Variants in LYRM1 observed in about 807,000 individuals in gnomAD.
The protein encoded by LYRM1 is LYR motif containing 1, also known as LYR motif-containing protein 1.
In LYRM1, 14 loss-of-function variants were observed where a neutral mutation model predicts 14.9. The observed-to-expected ratio is 0.94, with a 90% CI of 0.62 to 1.47. LYRM1 has a LOEUF of 1.47. LYRM1 is among the 40% of genes most tolerant of loss of function. LYRM1 has a pLI of 0.00. For missense variants in LYRM1, 153 were observed against 149.9 expected (o/e 1.02, Z -0.11); for synonymous variants, 43 against 56.2 (o/e 0.77, Z 1.05).
Position 20,901,881 on chromosome 16 carries a change from T to C in LYRM1, c.-1+992T>C, listed in dbSNP as rs140306816. 0.02 allele frequency among the ~76,000 whole-genome samples: 3,101 copies of C among 152,220 alleles called. 112 individuals are homozygous for C. Among genetic ancestry groups the C allele is most frequent in the African/African-American group, 0.071 (2,956 of 41,520 alleles). On this transcript the variant is annotated intron_variant, in intron 1 of 3. Transcript: ENST00000567954. The surrounding 1 kb of genome is among the most constrained non-coding windows in gnomAD (Gnocchi z 4.6). ...TGGCTCACGCCTATAAACCCAGTACTTTGGGAGGCCTAGGCGGGCGGATCA... is the reference window on the plus strand; with the variant it reads ...TGGCTCACGCCTATAAACCCAGTACCTTGGGAGGCCTAGGCGGGCGGATCA...
intron 1 of LYRM1, among the ~76,000 whole-genome samples, chr16:20,910,781 A>G (rs927505102): frequency 2.6e-5 from 4 of 152,152 alleles, no homozygotes; most frequent in African/African-American, 7.2e-5. Context: ...CTCTAAAAAA[A>G]AAAACAACAA....
intron 1 of LYRM1, 76 bp from the exon 2 acceptor site, chr16:20,915,478 CTG>C: frequency 2.9e-6 from 2 of 693,236 alleles, no homozygotes; most frequent in Non-Finnish European, 4.4e-6. Context: ...AAAAAAAAAA[CTG>C]TACATCTGCC....
intron 2 of LYRM1, 108 bp downstream of exon 2, chr16:20,915,822 G>A (rs964886999): frequency 8.1e-7 from 1 of 1,227,112 alleles, no homozygotes; most frequent in Non-Finnish European, 1.1e-6. Context: ...CAGTCATGGT[G>A]GCAGAACTTG....
intron 3 of LYRM1, 116 bp from the exon 4 acceptor site, chr16:20,923,884 T>A: frequency 1.7e-6 from 1 of 587,784 alleles, no homozygotes; most frequent in East Asian, 2.8e-5. Context: ...GATTAATGAA[T>A]CAATGTAGAT....
chr16:20,900,214 G>C (rs980890782), upstream of LYRM1: 1 of 137,710 alleles, frequency 7.3e-6, no homozygotes, highest in Non-Finnish European at 1.5e-5. Flanking sequence ...AGCTGCTCCA[G>C]AGGTTCCTCC....
chr16:20,912,973 G>C (rs940239635), intron 1 of LYRM1, among the ~76,000 whole-genome samples: 6 of 151,814 alleles, frequency 4.0e-5, no homozygotes, highest in Non-Finnish European at 7.4e-5. Context: ...GGCTGAGTCA[G>C]GATAATCACT....
intron 3 of LYRM1, chr16:20,920,454 C>T: frequency 2.2e-6 from 1 of 445,658 alleles, no homozygotes; most frequent in Non-Finnish European, 4.0e-6. Flanking sequence ...AACCAGCTCA[C>T]ACTGTAGAGC....
intron 1 of LYRM1, among the ~76,000 whole-genome samples, chr16:20,913,042 G>A (rs976738900): frequency 6.7e-6 from 1 of 149,404 alleles, no homozygotes; most frequent in Non-Finnish European, 1.5e-5. Flanking sequence ...CTCCAGCCTG[G>A]GCAACAAAAG....
At position 20,918,795 on chromosome 16, in the gene LYRM1, CTT is replaced by C. The variant is rs562851682; in HGVS notation, c.160-1324_160-1323del. On this transcript the variant is annotated intron_variant, in intron 2 of 3. Coordinates refer to ENST00000567954, the MANE Select transcript of LYRM1 (RefSeq NM_001128302.3). Reference sequence around the variant, plus strand: ...AGTGGGCAAATGGGAACATGGAACTCTTTTCCAACACAGACAGCAAATCAGTG... The same window carrying C: ...AGTGGGCAAATGGGAACATGGAACTCTTCCAACACAGACAGCAAATCAGTG... Among the ~76,000 whole-genome samples, 230 of 152,318 alleles carry C rather than the reference CTT, an allele frequency of 1.5e-3. 1 individual carries two copies. Among genetic ancestry groups the C allele is most frequent in the African/African-American group, 5.3e-3 (222 of 41,576 alleles).
chr16:20,924,172 C>A lies in LYRM1; in HGVS notation c.*56C>A. On this transcript the variant is annotated 3_prime_UTR_variant, in exon 4 of 4. Coordinates refer to ENST00000567954, the MANE Select transcript of LYRM1 (RefSeq NM_001128302.3). ...GAGCCAACTAGTTATTGAATGTAAA[C>A]CAGATGGCAAAACACTTCTTGATTA... The A allele has an allele frequency of 1.0e-6, 1 of 979,512 alleles. No individual in the cohort carries two copies. The highest frequency in any genetic ancestry group is 1.6e-6 in the Non-Finnish European group (1 of 635,542). The allele number at this position is 979,512 out of a possible 1,614,324, so 60.7% of individuals were successfully genotyped here.
chr16:20,908,345 C>G (rs1227296328), intron 1 of LYRM1, among the ~76,000 whole-genome samples: 1 of 152,212 alleles, frequency 6.6e-6, no homozygotes, highest in African/African-American at 2.4e-5. Flanking sequence ...ATTTAGTTCC[C>G]TTTGTCACAA....
At position 20,924,432 on chromosome 16, in the gene LYRM1, A is replaced by C; in HGVS notation, c.*316A>C. On this transcript the variant is annotated 3_prime_UTR_variant, in exon 4 of 4. Coordinates refer to ENST00000567954, the MANE Select transcript of LYRM1 (RefSeq NM_001128302.3). ...TTCATGGGAATTCCATTCACCACAC[A>C]TGCCAGCTGATGCAAAGAAATTTGC... is the stretch of plus-strand genomic sequence containing the variant. 1 of 183,824 alleles carries C rather than the reference A, an allele frequency of 5.4e-6. No homozygotes were observed. Among genetic ancestry groups the C allele is most frequent in the Non-Finnish European group, 1.1e-5 (1 of 88,114 alleles). 11.4% of individuals were successfully genotyped at this position (183,824 alleles called of 1,614,324 possible). A position where few individuals can be genotyped will look rare whatever the true frequency, so the allele number is the denominator to read the frequency against.
rs1483866241 is a variant in LYRM1 at position 20,907,818 on chromosome 16, C to T, written c.-1+6929C>T. Among the ~76,000 whole-genome samples, 3 of 152,148 alleles carry T rather than the reference C, an allele frequency of 2.0e-5. No homozygotes were observed. In the East Asian group the frequency reaches 5.8e-4, roughly 29 times the overall value. On this transcript the variant is annotated intron_variant, in intron 1 of 3. Coordinates refer to ENST00000567954, the MANE Select transcript of LYRM1 (RefSeq NM_001128302.3). ...TCACTGACCACCCAGAAAATAACCC[C>T]CACCTCTGGTCATTTGTATCTTATT...
chr16:20,915,729 C>T lies in LYRM1; in HGVS notation c.159+15C>T, dbSNP rs750627241. The T allele has an allele frequency of 8.1e-6, 13 of 1,612,404 alleles. No individual in the cohort carries two copies. The African/African-American group carries it at 1.7e-4, about 22-fold the overall frequency. The stretch of plus-strand genomic sequence containing the variant: ...AAAACAAAAATGTAAGTAGGCCCCA[C>T]TTGGAGATTGTGCAGAGGAGAGTTG... On this transcript the variant is annotated intron_variant, in intron 2 of 3. Coordinates refer to ENST00000567954, the MANE Select transcript of LYRM1 (RefSeq NM_001128302.3).
intron 1 of LYRM1, among the ~76,000 whole-genome samples, chr16:20,903,142 G>T (rs1191868321): frequency 1.3e-5 from 2 of 152,204 alleles, no homozygotes; most frequent in African/African-American, 4.8e-5. Flanking sequence ...CAAACATATT[G>T]TTCAGCCCAC....
intron 2 of LYRM1, 97 bp downstream of exon 2, chr16:20,915,811 A>C (rs2152546626): frequency 7.4e-7 from 1 of 1,345,828 alleles, no homozygotes; most frequent in South Asian, 1.4e-5. Context: ...GCTGAGCCGC[A>C]CAGTCATGGT....
At chr16:20,907,956 T>C (rs1341476021) in intron 1 of LYRM1, among the ~76,000 whole-genome samples, 1 of 152,208 alleles carries the variant, frequency 6.6e-6, no homozygotes, top group East Asian at 1.9e-4. Context: ...TATTTATCAC[T>C]GTATCCCCAG....
intron 1 of LYRM1, among the ~76,000 whole-genome samples, chr16:20,905,104 A>G (rs2082257382): frequency 6.6e-6 from 1 of 152,198 alleles, no homozygotes; most frequent in Admixed American, 6.5e-5. Flanking sequence ...AAAGCAATAA[A>G]TTCACCAACA....
chr16:20,905,475 CA>C (rs1346393070), intron 1 of LYRM1, among the ~76,000 whole-genome samples: 1 of 152,180 alleles, frequency 6.6e-6, no homozygotes, highest in East Asian at 1.9e-4. Flanking sequence ...CTATACAGGG[CA>C]AGAACATCTG....
Sources: allele counts gnomAD v4.1 joint callset (sites outside exome capture counted in the v4.1 genomes callset), GRCh38; gene constraint gnomAD v4.1.1; non-coding constraint Gnocchi (gnomAD v3.1); transcripts MANE v1.5; gene names NCBI Gene and HGNC (gene_info 2026-07-23, HGNC 2026-07-21).